Variants in PCNX2 observed in about 807,000 individuals in gnomAD.
PCNX2 encodes the protein pecanex 2.
In PCNX2, 168 loss-of-function variants were observed where a neutral mutation model predicts 223.8. The observed-to-expected ratio is 0.75, with a 90% confidence interval of 0.66 to 0.85. PCNX2 has a LOEUF of 0.85. PCNX2 is among the 40% of genes least tolerant of loss of function. The pLI is 0.00. For missense variants in PCNX2, 2,507 were observed against 2,675.5 expected (o/e 0.94, Z 1.39); for synonymous variants, 1,006 against 1,052.6 (o/e 0.96, Z 0.86).
intron 12 of PCNX2, among the ~76,000 whole-genome samples, chr1:233,215,058 C>T (rs985940881): frequency 2.6e-5 from 4 of 152,080 alleles, no homozygotes; most frequent in African/African-American, 7.2e-5. Flanking sequence ...AAAATAGTGC[C>T]GTCTGAAAAG....
intron 21 of PCNX2, among the ~76,000 whole-genome samples, chr1:233,096,084 C>T (rs1674145572): frequency 6.6e-6 from 1 of 152,166 alleles, no homozygotes; most frequent in African/African-American, 2.4e-5. Context: ...TGGTTAATCT[C>T]AACGGATTTA....
chr1:232,985,447 CTTGACACCA>C (rs1368241001), intron 33 of PCNX2: 1 of 154,194 alleles, frequency 6.5e-6, no homozygotes, highest in Admixed American at 6.5e-5. Context: ...CCATTTTTGC[CTTGACACCA>C]TCGATTTTCC....
intron 15 of PCNX2, among the ~76,000 whole-genome samples, chr1:233,182,677 T>C (rs1339006738): frequency 2.0e-5 from 3 of 152,122 alleles, no homozygotes; most frequent in Non-Finnish European, 4.4e-5. Context: ...CTCCCTGCCC[T>C]CCTGCCTTTG....
intron 21 of PCNX2, among the ~76,000 whole-genome samples, chr1:233,109,834 G>T (rs1675009927): frequency 6.6e-6 from 1 of 152,218 alleles, no homozygotes; most frequent in South Asian, 2.1e-4. Flanking sequence ...AGAAGATCAG[G>T]CAGGGCGCAG....
the PCNX2 span, among the ~76,000 whole-genome samples, chr1:233,315,074 A>G: frequency 3.3e-5 from 5 of 152,214 alleles, no homozygotes; most frequent in African/African-American, 1.2e-4. Flanking sequence ...TGCAGATTCT[A>G]TGTCTTTGGG....
At chr1:233,201,382 T>C (rs1214650085) in intron 13 of PCNX2, 2 of 152,216 alleles carry the variant, frequency 1.3e-5, no homozygotes, top group African/African-American at 2.4e-5. Context: ...GCACAAATAC[T>C]GATATGCTAT....
intron 28 of PCNX2, among the ~76,000 whole-genome samples, chr1:233,011,609 T>G (rs2102812648): frequency 6.6e-6 from 1 of 152,244 alleles, no homozygotes; most frequent in African/African-American, 2.4e-5. Flanking sequence ...TGTCCAAGCT[T>G]TAATCATGGA....
At chr1:233,221,666 C>G (rs911459782) in intron 10 of PCNX2, among the ~76,000 whole-genome samples, 4 of 152,154 alleles carry the variant, frequency 2.6e-5, no homozygotes, top group African/African-American at 7.2e-5. Context: ...ATAAACAAAA[C>G]TCCCAGGAGA....
In PCNX2 at chr1:233,253,203, C is replaced by T. The variant is rs1659556784; in HGVS notation, c.1835-415G>A. Among the ~76,000 whole-genome samples, 1 of 152,198 alleles carries T rather than the reference C, an allele frequency of 6.6e-6. No individual in the cohort carries two copies. Among genetic ancestry groups the T allele is most frequent in the Non-Finnish European group, 1.5e-5 (1 of 68,024 alleles). The stretch of plus-strand genomic sequence containing the variant: ...TCTGGCTATTTCAGAACAAGGTCCC[C>T]TTTACCATTTATAAATCTTATCAGT... On this transcript the variant is annotated intron_variant, in intron 5 of 33. Coordinates refer to ENST00000258229, the MANE Select transcript of PCNX2 (RefSeq NM_014801.4). This position sits in a 1 kb window ranked among gnomAD's most constrained non-coding sequence, Gnocchi z 4.2.
At chr1:233,136,503 G>A (rs538476763) in intron 20 of PCNX2, among the ~76,000 whole-genome samples, 1 of 152,290 alleles carries the variant, frequency 6.6e-6, no homozygotes, top group East Asian at 1.9e-4. Context: ...CCCAGGATGT[G>A]TGAGGTGTGG....
At chr1:233,101,662 G>A (rs1674489736) in intron 21 of PCNX2, among the ~76,000 whole-genome samples, 1 of 152,060 alleles carries the variant, frequency 6.6e-6, no homozygotes, top group Non-Finnish European at 1.5e-5. Flanking sequence ...CAAAAAAGGG[G>A]GCACTCCCCC....
At chr1:233,078,335 C>G (rs1325589842) in intron 23 of PCNX2, among the ~76,000 whole-genome samples, 1 of 152,234 alleles carries the variant, frequency 6.6e-6, no homozygotes, top group Non-Finnish European at 1.5e-5. Context: ...TAAACCCTCA[C>G]TGTCCAGATG....
At position 233,295,199 on chromosome 1, in the gene PCNX2, T is replaced by C. The variant is rs6662975; in HGVS notation, c.153+127A>G. 2,851 of 1,338,880 alleles carry C rather than the reference T, an allele frequency of 2.1e-3. 45 individuals are homozygous for C. The African/African-American group carries it at 0.033, about 16-fold the overall frequency. 82.9% of individuals were successfully genotyped at this position (1,338,880 alleles called of 1,614,324 possible). A position where few individuals can be genotyped will look rare whatever the true frequency, so the allele number is the denominator to read the frequency against. ...CTCTGTCCCAAATTTCTGAAGCCCCTCCCTTTCCGTCTCTTAAGAATCTCT... is the reference window on the plus strand; with the variant it reads ...CTCTGTCCCAAATTTCTGAAGCCCCCCCCTTTCCGTCTCTTAAGAATCTCT... On this transcript the variant is annotated intron_variant, in intron 1 of 33. Transcript: ENST00000258229. This position sits in a 1 kb window ranked among gnomAD's most constrained non-coding sequence, Gnocchi z 4.1.
intron 8 of PCNX2, among the ~76,000 whole-genome samples, chr1:233,238,332 TC>T (rs1658542016): frequency 6.6e-6 from 1 of 152,328 alleles, no homozygotes; most frequent in African/African-American, 2.4e-5. Context: ...TGTTTCTTTT[TC>T]CTAACTCCTT....
chr1:233,027,822 C>T (rs537704556), intron 25 of PCNX2, among the ~76,000 whole-genome samples: 31 of 152,258 alleles, frequency 2.0e-4, no homozygotes, highest in South Asian at 2.1e-4. Flanking sequence ...GTTTGCCAAA[C>T]GCTGGCTTAC....
At chr1:233,099,698 G>A (rs1239410568) in intron 21 of PCNX2, among the ~76,000 whole-genome samples, 1 of 152,126 alleles carries the variant, frequency 6.6e-6, no homozygotes, top group Non-Finnish European at 1.5e-5. Context: ...TATCAAAACA[G>A]CAATTTCTAA....
rs188291816 is a variant in PCNX2 at position 233,228,687 on chromosome 1, G to A, written c.2359-1316C>T. Among the ~76,000 whole-genome samples, 20 of 152,288 alleles carry A rather than the reference G, an allele frequency of 1.3e-4. No homozygotes were observed. In the South Asian group the frequency reaches 1.7e-3, roughly 13 times the overall value. On this transcript the variant is annotated intron_variant, in intron 9 of 33. Transcript: ENST00000258229. ...AATACTCCTTGTATGTCTGTATCAC[G>A]TTTTGTTAATCCACTAATCTGTCAA...
intron 3 of PCNX2, 132 bp from the exon 4 acceptor site, chr1:233,261,453 T>G (rs910528353): frequency 5.1e-6 from 4 of 780,858 alleles, no homozygotes; most frequent in Non-Finnish European, 6.5e-6. Flanking sequence ...CAGTGTTCAC[T>G]CTCCTTAAGC....
chr1:233,113,233 C>G (rs751333156), intron 21 of PCNX2, among the ~76,000 whole-genome samples: 1 of 152,220 alleles, frequency 6.6e-6, no homozygotes, highest in Non-Finnish European at 1.5e-5. Flanking sequence ...GAGCAACAAA[C>G]TCACAGCTCT....
Sources: gnomAD v4.1 joint callset for allele counts (sites outside exome capture counted in the v4.1 genomes callset) on GRCh38, gnomAD v4.1.1 for gene constraint, Gnocchi (gnomAD v3.1) non-coding constraint, MANE v1.5 for transcripts, NCBI Gene and HGNC (gene_info 2026-07-23, HGNC 2026-07-21) for gene names.